The following ZNF519 variants were observed in gnomAD, a reference collection of about 807,000 sequenced individuals.
ZNF519 encodes the protein similar to Zinc finger protein 85 (Zinc finger protein HPF4) (HTF1).
In ZNF519, 7 loss-of-function variants were observed where a neutral mutation model predicts 7.4. The observed-to-expected ratio is 0.94, with a 90% CI of 0.54 to 1.77. The LOEUF is 1.77. ZNF519 is among the 40% of genes most tolerant of loss of function. The pLI is 0.00. For missense variants in ZNF519, 586 were observed against 623.1 expected (o/e 0.94, Z 0.63); for synonymous variants, 179 against 203.3 (o/e 0.88, Z 1.02).
chr18:14,110,113 A>C (rs764074337), intron 2 of ZNF519, among the ~76,000 whole-genome samples: 1 of 152,188 alleles, frequency 6.6e-6, no homozygotes, highest in Non-Finnish European at 1.5e-5. Flanking sequence ...CCTATTCAAT[A>C]AACGGTGCTA....
At chr18:14,107,481 G>C (rs1434778708) in intron 2 of ZNF519, among the ~76,000 whole-genome samples, 2 of 152,202 alleles carry the variant, frequency 1.3e-5, no homozygotes, top group Non-Finnish European at 2.9e-5. Context: ...AGGCTTGCTA[G>C]AATCAGGTGA....
At position 14,117,456 on chromosome 18, in the gene ZNF519, C is replaced by G. The variant is rs770870461; in HGVS notation, c.130+6894G>C. On this transcript the variant is annotated intron_variant, in intron 2 of 2. Coordinates refer to ENST00000590202, the MANE Select transcript of ZNF519 (RefSeq NM_145287.4). The stretch of plus-strand genomic sequence containing the variant: ...GTCAAGAGCATAGAGGAATTGAAAC[C>G]CTTGTGCACTGCTGGTAGGGAAAAA... 1.7e-4 allele frequency among the ~76,000 whole-genome samples: 26 copies of G among 152,072 alleles called. 1 individual carries two copies. Among genetic ancestry groups the G allele is most frequent in the Admixed American group, 2.6e-4 (4 of 15,262 alleles).
intron 2 of ZNF519, chr18:14,124,146 C>G: frequency 1.2e-5 from 4 of 343,784 alleles, no homozygotes; most frequent in Non-Finnish European, 2.0e-5. Context: ...GCACTCCAGC[C>G]TGGGTAACAA....
intron 3 of ZNF519, chr18:14,082,218 A>T (rs982140663): frequency 6.6e-6 from 1 of 152,292 alleles, no homozygotes; most frequent in African/African-American, 2.4e-5. Flanking sequence ...AAGATTAAAA[A>T]TCAGAAATAA....
chr18:14,096,824 G>A (rs1462472305), downstream of ZNF519, among the ~76,000 whole-genome samples: 1 of 152,182 alleles, frequency 6.6e-6, no homozygotes, highest in Non-Finnish European at 1.5e-5. Context: ...GGACAGCATT[G>A]CCCACTGCTC....
chr18:14,114,811 A>C (rs1225130638), intron 2 of ZNF519, among the ~76,000 whole-genome samples: 1 of 152,170 alleles, frequency 6.6e-6, no homozygotes, highest in African/African-American at 2.4e-5. Flanking sequence ...TTAGATTGTA[A>C]ACAAAGGATT....
At chr18:14,091,543 G>C (rs1410157550) in intron 2 of ZNF519, among the ~76,000 whole-genome samples, 1 of 152,194 alleles carries the variant, frequency 6.6e-6, no homozygotes, top group Non-Finnish European at 1.5e-5. Context: ...CATGAGATCA[G>C]TGACAGAGAC....
intron 2 of ZNF519, among the ~76,000 whole-genome samples, chr18:14,117,221 A>T (rs1426158324): frequency 1.3e-5 from 2 of 152,228 alleles, no homozygotes; most frequent in Non-Finnish European, 2.9e-5. Context: ...CAGAATATAT[A>T]AACTTTGAAA....
chr18:14,101,533 C>A lies in ZNF519; in HGVS notation c.*3384G>T. ...TGAAGGAAGGAAACAGACTCAGGGTCCCTTGGATTAAAACTGTGGGTCACT... is the reference window on the plus strand; with the variant it reads ...TGAAGGAAGGAAACAGACTCAGGGTACCTTGGATTAAAACTGTGGGTCACT... On this transcript the variant is annotated 3_prime_UTR_variant, in exon 3 of 3. Coordinates refer to ENST00000590202, the MANE Select transcript of ZNF519 (RefSeq NM_145287.4). 2.5e-6 allele frequency: 1 copy of A among 397,094 alleles called. No homozygotes were observed. The highest frequency in any genetic ancestry group is 4.4e-6 in the Non-Finnish European group (1 of 225,618). The allele number at this position is 397,094 out of a possible 1,614,324, so 24.6% of individuals were successfully genotyped here.
At chr18:14,094,037 C>A (rs1477396493) in intron 2 of ZNF519, among the ~76,000 whole-genome samples, 8 of 152,196 alleles carry the variant, frequency 5.3e-5, no homozygotes, top group Non-Finnish European at 1.2e-4. Flanking sequence ...CATTTATTTT[C>A]TTTTCCTTTG....
At chr18:14,097,957 A>G (rs1385657883), downstream of ZNF519, among the ~76,000 whole-genome samples, 2 of 150,516 alleles carry the variant, frequency 1.3e-5, no homozygotes, top group Non-Finnish European at 3.0e-5. Flanking sequence ...TCAACATCCT[A>G]TGGCTGATGA....
downstream of ZNF519, chr18:14,075,275 C>T (rs2046043302): frequency 6.6e-6 from 1 of 152,204 alleles, no homozygotes; most frequent in Admixed American, 6.5e-5. Context: ...CCAAATCCTT[C>T]TTTGTGTTGT....
rs1162266378 is a variant in ZNF519, at chr18:14,106,331, CT to C, written c.208del (p.Arg70AspfsTer19). 1.2e-6 allele frequency: 2 copies of C among 1,613,132 alleles called. No individual in the cohort carries two copies. The highest frequency in any genetic ancestry group is 1.7e-6 in the Non-Finnish European group (2 of 1,179,812). On this transcript the variant is annotated frameshift_variant, in exon 3 of 3. Transcript: ENST00000590202. LOFTEE classifies it low-confidence loss of function (END_TRUNC). The stretch of plus-strand genomic sequence containing the variant: ...ATTTTCAAGGCCACAGCTCCCATAT[CT>C]TCCCAGTGTTGCTTTTTTGAATGAA... ...QDSFKKATLG[R>X]YGSCGLENIC... is the part of the protein sequence containing the mutation.
intron 2 of ZNF519, among the ~76,000 whole-genome samples, chr18:14,088,455 G>A (rs985145206): frequency 1.3e-5 from 2 of 152,066 alleles, no homozygotes; most frequent in Non-Finnish European, 2.9e-5. Context: ...AAGAAAATGT[G>A]ATTTGTTCAT....
rs1174374563 is a variant in ZNF519, at chr18:14,112,203, A to G, written c.131-5794T>C. ...TGCAAATCAATTAATGTAATACATC[A>G]TATCAACAAAAGAAAGAACAAAAAC... On this transcript the variant is annotated intron_variant, in intron 2 of 2. Coordinates refer to ENST00000590202, the MANE Select transcript of ZNF519 (RefSeq NM_145287.4). Among the ~76,000 whole-genome samples, 6 of 152,198 alleles carry G rather than the reference A, an allele frequency of 3.9e-5. No homozygotes were observed. The East Asian group carries it at 9.6e-4, about 24-fold the overall frequency.
In ZNF519 at chr18:14,106,377, G is replaced by C. The variant is rs1233490501; in HGVS notation, c.163C>G (p.Pro55Ala). The C allele has an allele frequency of 6.2e-7, 1 of 1,601,886 alleles. No individual in the cohort carries two copies. Among genetic ancestry groups the C allele is most frequent in the South Asian group, 1.1e-5 (1 of 89,270 alleles). ...AATGAATCTTGTATGCCTTGCTCTG[G>C]TAAAATGCCTTGGTTGTAATAAGAA... ...VYSYYNQGIL[P>A]EQGIQDSFKK... The change falls in exon 3 of 3, where the codon CCA (proline) becomes GCA (alanine). Residue 55 changes from proline to alanine, a missense_variant. Transcript: ENST00000590202.
At chr18:14,128,293 A>AAAAC (rs372768430) in intron 1 of ZNF519, among the ~76,000 whole-genome samples, 22 of 147,896 alleles carry the variant, frequency 1.5e-4, no homozygotes, top group South Asian at 1.0e-3. Flanking sequence ...ACTCTCTCTC[A>AAAAC]AAACAAACAA....
intron 2 of ZNF519, among the ~76,000 whole-genome samples, chr18:14,118,172 C>T (rs1342691334): frequency 1.3e-5 from 2 of 152,138 alleles, no homozygotes; most frequent in Non-Finnish European, 2.9e-5. Context: ...CATTCTCCTG[C>T]CTCAGCCTCC....
chr18:14,104,871 A>AG lies in ZNF519; in HGVS notation c.*45dup, dbSNP rs1445413618. 2 of 1,479,932 alleles carry AG rather than the reference A, an allele frequency of 1.4e-6. No individual in the cohort carries two copies. Among genetic ancestry groups the AG allele is most frequent in the Non-Finnish European group, 1.8e-6 (2 of 1,113,402 alleles). 91.7% of individuals were successfully genotyped at this position (1,479,932 alleles called of 1,614,324 possible). A position where few individuals can be genotyped will look rare whatever the true frequency, so the allele number is the denominator to read the frequency against. On this transcript the variant is annotated 3_prime_UTR_variant, in exon 3 of 3. Transcript: ENST00000590202. ...ATTTTCTAATGTTGAGTAAGGTGTG[A>AG]GCACCAGTTTAGGGTTTTAGCACAT...
Sources: allele counts gnomAD v4.1 joint callset (sites outside exome capture counted in the v4.1 genomes callset), GRCh38; gene constraint gnomAD v4.1.1; transcripts MANE v1.5; gene names NCBI Gene and HGNC (gene_info 2026-07-23, HGNC 2026-07-21).